Variants in VWC2 observed in about 807,000 individuals in gnomAD.
VWC2 encodes brorin.
VWC2 carries 14 observed loss-of-function variants against 29.8 expected under a neutral mutation model. The observed-to-expected ratio is 0.47, with a 90% CI of 0.31 to 0.74. VWC2 has a LOEUF of 0.74. Among genes scored for constraint, VWC2 ranks in the 30% least tolerant of loss-of-function variants. The probability of loss-of-function intolerance (pLI) is 0.05; values close to 1 mark genes in which losing one functional copy is unlikely to be tolerated. For synonymous variants in VWC2, 213 were observed against 199.0 expected (o/e 1.07, Z -0.59); for missense variants, 457 against 459.8 (o/e 0.99, Z 0.05).
At chr7:49,833,493 C>A (rs962195544) in intron 3 of VWC2, among the ~76,000 whole-genome samples, 10 of 152,276 alleles carry the variant, frequency 6.6e-5, no homozygotes, top group Non-Finnish European at 1.3e-4. Flanking sequence ...AAATCCACCT[C>A]CCTGAAGATG....
intron 3 of VWC2, among the ~76,000 whole-genome samples, chr7:49,854,401 T>C (rs13312148): frequency 0.8 from 120,782 of 151,394 alleles, 48,360 homozygotes; most frequent in East Asian, 0.91. Flanking sequence ...TAATGATCGC[T>C]ATTCTAACTG....
intron 2 of VWC2, among the ~76,000 whole-genome samples, chr7:49,777,853 G>A (rs1295099550): frequency 1.3e-5 from 2 of 152,148 alleles, no homozygotes; most frequent in Non-Finnish European, 2.9e-5. Flanking sequence ...TTTTGGCCTG[G>A]AGCAGGGTCA....
chr7:49,848,060 T>C (rs1290713321), intron 3 of VWC2, among the ~76,000 whole-genome samples: 1 of 152,188 alleles, frequency 6.6e-6, no homozygotes, highest in African/African-American at 2.4e-5. Context: ...AGTCGGAAGC[T>C]TCTACAGGTC....
At chr7:49,803,350 A>G (rs1424972385) in intron 3 of VWC2, among the ~76,000 whole-genome samples, 1 of 152,214 alleles carries the variant, frequency 6.6e-6, no homozygotes, top group Non-Finnish European at 1.5e-5. Flanking sequence ...CCTTGATCCT[A>G]ATTTGTCATG....
chr7:49,874,544 ATATATG>A (rs1791314372), intron 3 of VWC2, among the ~76,000 whole-genome samples: 1 of 52,556 alleles, frequency 1.9e-5, no homozygotes, highest in Non-Finnish European at 4.3e-5. Flanking sequence ...ACGCATGACT[ATATATG>A]TGTGTGTGTG....
At chr7:49,886,126 G>A (rs1791894909) in intron 3 of VWC2, among the ~76,000 whole-genome samples, 1 of 152,206 alleles carries the variant, frequency 6.6e-6, no homozygotes, top group Admixed American at 6.5e-5. Context: ...TGAAGCCCCT[G>A]GGCTGGGCAA....
At chr7:49,822,893 CT>C (rs942953928) in intron 3 of VWC2, among the ~76,000 whole-genome samples, 1 of 152,204 alleles carries the variant, frequency 6.6e-6, no homozygotes, top group Non-Finnish European at 1.5e-5. Flanking sequence ...ACACAGCACA[CT>C]TCATTCATTT....
chr7:49,774,254 G>C (rs905445205), intron 1 of VWC2, 141 bp downstream of exon 1: 2 of 152,622 alleles, frequency 1.3e-5, no homozygotes, highest in Non-Finnish European at 2.9e-5. Flanking sequence ...GAATATGGGC[G>C]CTTCGCCCAG....
intron 2 of VWC2, among the ~76,000 whole-genome samples, chr7:49,789,097 T>TGA (rs538798933): frequency 1.2e-4 from 16 of 138,316 alleles, no homozygotes; most frequent in East Asian, 8.1e-4. Flanking sequence ...GGTTTGGGTG[T>TGA]GAGAGAGAGA....
chr7:49,828,733 C>A (rs760054799), intron 3 of VWC2, among the ~76,000 whole-genome samples: 42 of 152,154 alleles, frequency 2.8e-4, no homozygotes, highest in Non-Finnish European at 5.6e-4. Context: ...TTAATCAGTT[C>A]TGAGAGGTAG....
intron 2 of VWC2, among the ~76,000 whole-genome samples, chr7:49,797,235 T>A (rs1788613178): frequency 6.6e-6 from 1 of 152,220 alleles, no homozygotes; most frequent in Non-Finnish European, 1.5e-5. Context: ...TCTATGCTGA[T>A]GTTCCTTAGC....
intron 3 of VWC2, among the ~76,000 whole-genome samples, chr7:49,850,787 T>C (rs1790144184): frequency 6.6e-6 from 1 of 152,192 alleles, no homozygotes; most frequent in African/African-American, 2.4e-5. Flanking sequence ...ACATCATGGG[T>C]ACAGTGAGCT....
intron 3 of VWC2, among the ~76,000 whole-genome samples, chr7:49,865,347 G>T (rs952520889): frequency 1.1e-4 from 16 of 152,236 alleles, no homozygotes; most frequent in Non-Finnish European, 2.9e-5. Context: ...TTACTGAAGT[G>T]TGTAACCCTC....
At chr7:49,786,011 G>A (rs1193252558) in intron 2 of VWC2, among the ~76,000 whole-genome samples, 1 of 152,188 alleles carries the variant, frequency 6.6e-6, no homozygotes, top group Non-Finnish European at 1.5e-5. Context: ...TCCCCCAGAA[G>A]ACTTTTGCAA....
intron 3 of VWC2, among the ~76,000 whole-genome samples, chr7:49,805,686 G>C (rs1157410846): frequency 6.6e-6 from 1 of 152,160 alleles, no homozygotes; most frequent in African/African-American, 2.4e-5. Context: ...CATAAACAAT[G>C]TTCTTGTAAA....
chr7:49,778,631 C>G (rs752516501), intron 2 of VWC2, among the ~76,000 whole-genome samples: 5 of 152,114 alleles, frequency 3.3e-5, no homozygotes, highest in Non-Finnish European at 7.4e-5. Flanking sequence ...GAAAGCAATG[C>G]TTTTTTTGAA....
At chr7:49,813,562 G>T (rs184495525) in intron 3 of VWC2, among the ~76,000 whole-genome samples, 1 of 152,302 alleles carries the variant, frequency 6.6e-6, no homozygotes, top group African/African-American at 2.4e-5. Flanking sequence ...TTTACTGAGA[G>T]AACACAGTGC....
chr7:49,783,192 A>G (rs1024271231), intron 2 of VWC2, among the ~76,000 whole-genome samples: 11 of 152,154 alleles, frequency 7.2e-5, no homozygotes, highest in Non-Finnish European at 1.5e-4. Context: ...ATTTGAAAAT[A>G]TTTAGGACAC....
intron 3 of VWC2, among the ~76,000 whole-genome samples, chr7:49,869,368 T>C (rs187597598): frequency 2.0e-5 from 3 of 152,244 alleles, no homozygotes; most frequent in Admixed American, 2.0e-4. Context: ...GGTGGGTTCA[T>C]CTGGCCAGGA....
Sources: gnomAD v4.1 joint callset for allele counts (sites outside exome capture counted in the v4.1 genomes callset) on GRCh38, gnomAD v4.1.1 for gene constraint, MANE v1.5 for transcripts, NCBI Gene and HGNC (gene_info 2026-07-23, HGNC 2026-07-21) for gene names.